AGBL1: variants seen among roughly 807,000 people sequenced by gnomAD.
The protein encoded by AGBL1 is cytosolic carboxypeptidase 4.
AGBL1 carries 130 observed loss-of-function variants against 118.9 expected under a neutral mutation model. That is an observed-to-expected ratio of 1.09 (90% CI 0.95 to 1.26). The LOEUF (loss-of-function observed/expected upper bound fraction) is 1.26, where lower values mean the gene tolerates loss of function less well. AGBL1 is among the 50% of genes most tolerant of loss of function. The pLI is 0.00. For missense variants in AGBL1, 1,584 were observed against 1,298.1 expected, an observed-to-expected ratio of 1.22 and a Z score of -3.38; for synonymous variants, 555 against 478.9, an observed-to-expected ratio of 1.16 and a Z score of -2.08.
At chr15:86,735,537 C>T (rs2077579963) in intron 22 of AGBL1, among the ~76,000 whole-genome samples, 2 of 151,962 alleles carry the variant, frequency 1.3e-5, no homozygotes, top group South Asian at 4.2e-4. Flanking sequence ...AATCTCCTGT[C>T]TTCCTCCAAC....
chr15:86,494,534 G>T (rs1016644068), intron 18 of AGBL1, among the ~76,000 whole-genome samples: 1 of 152,022 alleles, frequency 6.6e-6, no homozygotes, highest in Non-Finnish European at 1.5e-5. Context: ...TCCAGTCTGG[G>T]TTGAGGAACT....
chr15:86,430,197 T>C (rs758653567), intron 18 of AGBL1, among the ~76,000 whole-genome samples: 3 of 152,136 alleles, frequency 2.0e-5, no homozygotes, highest in African/African-American at 7.2e-5. Context: ...CAGAATTCAG[T>C]GATTAAAGAT....
chr15:86,099,499 C>T (rs1470430336), intron 1 of AGBL1, among the ~76,000 whole-genome samples: 1 of 149,772 alleles, frequency 6.7e-6, no homozygotes, highest in Non-Finnish European at 1.5e-5. Flanking sequence ...ATGGTATTTT[C>T]AAAGGACAAT....
At chr15:86,780,486 C>G (rs1321704752) in intron 22 of AGBL1, among the ~76,000 whole-genome samples, 1 of 152,046 alleles carries the variant, frequency 6.6e-6, no homozygotes, top group African/African-American at 2.4e-5. Context: ...TTAGAATCAA[C>G]TTATAAACTC....
At chr15:86,110,267 G>GC (rs1030129700) in intron 1 of AGBL1, among the ~76,000 whole-genome samples, 25 of 152,148 alleles carry the variant, frequency 1.6e-4, no homozygotes. Context: ...AGTTTTGGCT[G>GC]CCCCAAACTT....
At chr15:86,332,267 C>G (rs922204245) in intron 17 of AGBL1, among the ~76,000 whole-genome samples, 3 of 152,114 alleles carry the variant, frequency 2.0e-5, no homozygotes, top group African/African-American at 7.2e-5. Context: ...ACTTCTGAAC[C>G]TATGAAAAGA....
At chr15:86,453,914 A>G (rs1012294859) in intron 18 of AGBL1, among the ~76,000 whole-genome samples, 9 of 152,180 alleles carry the variant, frequency 5.9e-5, no homozygotes, top group Non-Finnish European at 1.2e-4. Context: ...GAATTCTGTA[A>G]ATTTTATGGA....
intron 23 of AGBL1, chr15:86,934,985 G>T (rs1270801601): frequency 6.6e-6 from 1 of 152,152 alleles, no homozygotes. Context: ...TAATAAATGG[G>T]ACAAATGTAG....
chr15:86,845,977 G>C (rs1280310715), intron 22 of AGBL1, among the ~76,000 whole-genome samples: 2 of 152,162 alleles, frequency 1.3e-5, no homozygotes, highest in Non-Finnish European at 2.9e-5. Flanking sequence ...GAAAGAAAGA[G>C]CACCTTCGAC....
chr15:86,300,317 C>CTA (rs1207607142), intron 17 of AGBL1, among the ~76,000 whole-genome samples: 1 of 152,096 alleles, frequency 6.6e-6, no homozygotes, highest in Non-Finnish European at 1.5e-5. Context: ...GTTTGGAGAG[C>CTA]TATATCTCTG....
chr15:86,528,087 C>T (rs1331624728), intron 19 of AGBL1, among the ~76,000 whole-genome samples: 3 of 152,038 alleles, frequency 2.0e-5, no homozygotes, highest in Non-Finnish European at 4.4e-5. Context: ...TAAGATTGTC[C>T]TTTTCTGGGG....
In AGBL1 at chr15:86,148,082, T is replaced by C. The variant is rs1397923373; in HGVS notation, c.262+4237T>C. Among the ~76,000 whole-genome samples, 10 of 151,888 alleles carry C rather than the reference T, an allele frequency of 6.6e-5. No individual in the cohort carries two copies. The South Asian group carries it at 1.0e-3, about 16-fold the overall frequency. ...AGCTAACAAACAGAAAGGAATAGCA[T>C]TGATATCAACAAAGATCATCTACAC... On this transcript the variant is annotated intron_variant, in intron 3 of 22. Coordinates refer to ENST00000614907, the MANE Select transcript of AGBL1 (RefSeq NM_001386094.1).
chr15:86,098,921 TATTA>T (rs1896546481), intron 1 of AGBL1, among the ~76,000 whole-genome samples: 1 of 152,216 alleles, frequency 6.6e-6, no homozygotes, highest in Non-Finnish European at 1.5e-5. Flanking sequence ...GTTTTAACAA[TATTA>T]ATTCTTCTGA....
chr15:86,379,682 C>T (rs1339932675), intron 17 of AGBL1, among the ~76,000 whole-genome samples: 1 of 152,180 alleles, frequency 6.6e-6, no homozygotes, highest in East Asian at 1.9e-4. Context: ...CTGTGAAGCT[C>T]AGGGTACTTC....
At chr15:86,216,848 C>G (rs2078198028) in intron 5 of AGBL1, among the ~76,000 whole-genome samples, 1 of 152,292 alleles carries the variant, frequency 6.6e-6, no homozygotes, top group South Asian at 2.1e-4. Context: ...CAGTCCTGCT[C>G]CACTCCTGTC....
At chr15:86,753,397 C>CTTTTTTTTTTTT (rs1555446759) in intron 22 of AGBL1, among the ~76,000 whole-genome samples, 4 of 111,278 alleles carry the variant, frequency 3.6e-5, no homozygotes, top group African/African-American at 6.6e-5. Context: ...TTTTCTTTTT[C>CTTTTTTTTTTTT]TTTTTTTTTT....
chr15:86,347,857 G>T (rs2080562546), intron 17 of AGBL1, among the ~76,000 whole-genome samples: 1 of 152,152 alleles, frequency 6.6e-6, no homozygotes, highest in Non-Finnish European at 1.5e-5. Flanking sequence ...AATTTAATTT[G>T]CTCTATCAGC....
At chr15:86,703,031 T>C (rs187969005) in intron 22 of AGBL1, among the ~76,000 whole-genome samples, 2 of 152,228 alleles carry the variant, frequency 1.3e-5, no homozygotes, top group African/African-American at 4.8e-5. Flanking sequence ...TGGCCAGATA[T>C]AGTGGAGGAA....
chr15:86,829,028 T>A (rs1166292576), intron 22 of AGBL1, among the ~76,000 whole-genome samples: 1 of 151,122 alleles, frequency 6.6e-6, no homozygotes, highest in Admixed American at 6.6e-5. Flanking sequence ...GATGACATGA[T>A]GTTGACTGGA....
Sources: allele counts gnomAD v4.1 joint callset (sites outside exome capture counted in the v4.1 genomes callset), GRCh38; gene constraint gnomAD v4.1.1; transcripts MANE v1.5; gene names NCBI Gene and HGNC (gene_info 2026-07-23, HGNC 2026-07-21).